XRCC4: variants seen among roughly 807,000 people sequenced by gnomAD.
XRCC4 encodes the protein X-ray repair cross complementing 4.
XRCC4 carries 28 observed loss-of-function variants against 39.1 expected under a neutral mutation model. The observed-to-expected ratio is 0.72, with a 90% confidence interval of 0.53 to 0.98. The LOEUF (loss-of-function observed/expected upper bound fraction) is 0.98, where lower values mean the gene tolerates loss of function less well. Among genes scored for constraint, XRCC4 ranks in the 50% least tolerant of loss-of-function variants. XRCC4 has a pLI of 0.00. For missense variants in XRCC4, 350 were observed against 376.4 expected (o/e 0.93, Z 0.58); for synonymous variants, 123 against 126.4 (o/e 0.97, Z 0.18).
chr5:83,134,206 C>G (rs977736522), intron 3 of XRCC4, among the ~76,000 whole-genome samples: 1 of 152,142 alleles, frequency 6.6e-6, no homozygotes. Flanking sequence ...TCTGGGCTGC[C>G]GGAGTGTCCG....
intron 3 of XRCC4, among the ~76,000 whole-genome samples, chr5:83,166,258 G>T (rs554222787): frequency 6.6e-6 from 1 of 152,116 alleles, no homozygotes; most frequent in African/African-American, 2.4e-5. Flanking sequence ...TGTTTCAGTT[G>T]TGAATAGTGC....
chr5:83,306,230 C>T (rs537722235), intron 7 of XRCC4, among the ~76,000 whole-genome samples: 3 of 152,208 alleles, frequency 2.0e-5, no homozygotes, highest in East Asian at 1.9e-4. Flanking sequence ...TATACACACA[C>T]ACAAACAGAT....
Position 83,146,138 on chromosome 5 carries a change from GC to G in XRCC4, c.315+34937del, listed in dbSNP as rs761063779. 3.3e-4 allele frequency among the ~76,000 whole-genome samples: 50 copies of G among 152,256 alleles called. 1 individual carries two copies. The highest frequency in any genetic ancestry group is 6.3e-4 in the Non-Finnish European group (43 of 68,020). The stretch of plus-strand genomic sequence containing the variant: ...TTATGCCTTGCCTAATTAAAGTCAT[GC>G]CTGTATTTGAAAAGTGGAAAACTTC... On this transcript the variant is annotated intron_variant, in intron 3 of 7. Transcript: ENST00000396027.
At chr5:83,184,046 C>T (rs951366215) in intron 3 of XRCC4, among the ~76,000 whole-genome samples, 1 of 151,586 alleles carries the variant, frequency 6.6e-6, no homozygotes, top group Admixed American at 6.6e-5. Context: ...GGCATTAAAT[C>T]GTAAGTAAAG....
chr5:83,099,070 A>G (rs963573009), intron 1 of XRCC4, among the ~76,000 whole-genome samples: 2 of 152,202 alleles, frequency 1.3e-5, no homozygotes, highest in Admixed American at 1.3e-4. Flanking sequence ...AAAAATAATA[A>G]GGTCAAACAA....
intron 7 of XRCC4, among the ~76,000 whole-genome samples, chr5:83,336,990 C>T (rs998470021): frequency 6.6e-6 from 1 of 152,130 alleles, no homozygotes; most frequent in Admixed American, 6.5e-5. Context: ...AATTTCATTT[C>T]TGAGCCAAAA....
intron 7 of XRCC4, among the ~76,000 whole-genome samples, chr5:83,270,410 T>C (rs1754100393): frequency 6.6e-6 from 1 of 152,188 alleles, no homozygotes. Context: ...TCATACTTCA[T>C]GCTTCTAAAA....
chr5:83,090,524 T>C (rs1205184784), intron 1 of XRCC4, among the ~76,000 whole-genome samples: 1 of 152,158 alleles, frequency 6.6e-6, no homozygotes, highest in Non-Finnish European at 1.5e-5. Flanking sequence ...CTATCAGCAG[T>C]GTGAAAATGG....
At chr5:83,141,878 A>G (rs770526330) in intron 3 of XRCC4, among the ~76,000 whole-genome samples, 2 of 151,312 alleles carry the variant, frequency 1.3e-5, no homozygotes, top group South Asian at 2.1e-4. Context: ...TCTGTTTGTG[A>G]CAGAAATGAA....
chr5:83,195,569 A>C (rs530029199), intron 3 of XRCC4, among the ~76,000 whole-genome samples: 1 of 152,234 alleles, frequency 6.6e-6, no homozygotes, highest in African/African-American at 2.4e-5. Context: ...TTCTTGGGCT[A>C]TATGTTGATT....
At chr5:83,166,669 G>A (rs1561376015) in intron 3 of XRCC4, among the ~76,000 whole-genome samples, 1 of 150,782 alleles carries the variant, frequency 6.6e-6, no homozygotes, top group East Asian at 2.0e-4. Context: ...TAGAGATAGG[G>A]TTTCACCATG....
rs1749409427 is a variant in XRCC4, at chr5:83,165,307, G to A, written c.316-30463G>A. Among the ~76,000 whole-genome samples the A allele has an allele frequency of 1.8e-5, 2 of 113,838 alleles. 1 individual carries two copies. Among genetic ancestry groups the A allele is most frequent in the South Asian group, 5.9e-4 (2 of 3,378 alleles). 74.7% of individuals were successfully genotyped at this position (113,838 alleles called of 152,430 possible). ...GTAATAAACATGTCTCTGATTAGGT[G>A]AATCAATAGACATTGATTTATATAT... On this transcript the variant is annotated intron_variant, in intron 3 of 7. Coordinates refer to ENST00000396027, the MANE Select transcript of XRCC4 (RefSeq NM_003401.5).
chr5:83,318,133 A>G (rs1333655110), intron 7 of XRCC4, among the ~76,000 whole-genome samples: 7 of 146,116 alleles, frequency 4.8e-5, no homozygotes, highest in East Asian at 2.0e-4. Flanking sequence ...TTGCAGAAAA[A>G]GCCTTTGACA....
chr5:83,118,681 T>A (rs1391654896), intron 3 of XRCC4, among the ~76,000 whole-genome samples: 1 of 152,214 alleles, frequency 6.6e-6, no homozygotes, highest in Non-Finnish European at 1.5e-5. Context: ...TTCACCTAGC[T>A]GCAAGGGAAT....
At chr5:83,238,567 A>G (rs1055921740) in intron 6 of XRCC4, among the ~76,000 whole-genome samples, 2 of 151,684 alleles carry the variant, frequency 1.3e-5, no homozygotes, top group African/African-American at 4.9e-5. Flanking sequence ...TAAGACAAAA[A>G]TAAATATTAA....
chr5:83,079,108 A>G (rs1402110748), intron 1 of XRCC4, among the ~76,000 whole-genome samples: 1 of 152,248 alleles, frequency 6.6e-6, no homozygotes, highest in Non-Finnish European at 1.5e-5. Context: ...TGTGAAAAGC[A>G]TCAGAAAGCT....
chr5:83,157,694 A>G (rs1749027289), intron 3 of XRCC4, among the ~76,000 whole-genome samples: 1 of 152,106 alleles, frequency 6.6e-6, no homozygotes. Flanking sequence ...TTAAAAATAT[A>G]GAATGGTAAA....
chr5:83,108,313 C>T (rs543193821), intron 2 of XRCC4, among the ~76,000 whole-genome samples: 1 of 152,076 alleles, frequency 6.6e-6, no homozygotes, highest in East Asian at 1.9e-4. Context: ...CCTATGTAGG[C>T]AGTCAGATTT....
At chr5:83,332,226 TACACACACACACACACAC>T (rs67822741) in intron 7 of XRCC4, among the ~76,000 whole-genome samples, 29 of 141,952 alleles carry the variant, frequency 2.0e-4, no homozygotes, top group Non-Finnish European at 3.2e-4. Flanking sequence ...TTCAATCTTC[TACACACACACACACACAC>T]ACACACACAC....
Sources: allele counts gnomAD v4.1 joint callset (sites outside exome capture counted in the v4.1 genomes callset), GRCh38; gene constraint gnomAD v4.1.1; transcripts MANE v1.5; gene names NCBI Gene and HGNC (gene_info 2026-07-23, HGNC 2026-07-21).